PRKCB: variants seen among roughly 807,000 people sequenced by gnomAD.
PRKCB encodes the protein protein kinase C beta type.
Under a neutral mutation model 81.5 loss-of-function variants are expected in PRKCB, and 13 were observed. The ratio of observed to expected loss-of-function variants is 0.16; its 90% CI spans 0.10 to 0.25. The LOEUF is 0.25. PRKCB is among the 10% of genes least tolerant of loss of function. The pLI is 1.00. For missense variants in PRKCB, 509 were observed against 875.7 expected, an observed-to-expected ratio of 0.58 and a Z score of 5.29; for synonymous variants, 335 against 321.4, an observed-to-expected ratio of 1.04 and a Z score of -0.45.
At chr16:23,999,150 G>A (rs1964998794) in intron 3 of PRKCB, among the ~76,000 whole-genome samples, 1 of 152,168 alleles carries the variant, frequency 6.6e-6, no homozygotes. Context: ...TTGCCCACCT[G>A]GCCAGACTCT....
chr16:24,047,436 C>T (rs958692148), intron 5 of PRKCB, among the ~76,000 whole-genome samples: 15 of 151,660 alleles, frequency 9.9e-5, no homozygotes, highest in African/African-American at 3.2e-4. Context: ...GAGGCTGAGG[C>T]GGGAAGATGA....
chr16:23,939,580 A>G (rs1405277118), intron 2 of PRKCB, among the ~76,000 whole-genome samples: 6 of 152,220 alleles, frequency 3.9e-5, no homozygotes, highest in Admixed American at 2.6e-4. Context: ...GATTTTTGAC[A>G]AAGGCACAAA....
chr16:24,154,303 C>A (rs1206639646), intron 9 of PRKCB, among the ~76,000 whole-genome samples: 1 of 152,084 alleles, frequency 6.6e-6, no homozygotes, highest in Non-Finnish European at 1.5e-5. Context: ...ATAGTGAGAC[C>A]TTGTCTCTAC....
intron 2 of PRKCB, among the ~76,000 whole-genome samples, chr16:23,979,224 G>A (rs1450441580): frequency 6.6e-6 from 1 of 152,124 alleles, no homozygotes. Context: ...CATATTCAAG[G>A]TCACACAGCT....
At chr16:23,932,957 C>T (rs1049712714) in intron 2 of PRKCB, among the ~76,000 whole-genome samples, 6 of 152,146 alleles carry the variant, frequency 3.9e-5, no homozygotes, top group Non-Finnish European at 4.4e-5. Flanking sequence ...TTCAGAATTA[C>T]GAGGATGCAG....
At chr16:24,107,404 A>T (rs893613986) in intron 7 of PRKCB, among the ~76,000 whole-genome samples, 5 of 152,308 alleles carry the variant, frequency 3.3e-5, no homozygotes, top group African/African-American at 1.2e-4. Flanking sequence ...TTGTTCTAAC[A>T]TTTCATATCT....
chr16:23,867,646 A>C (rs1040435507), intron 2 of PRKCB, among the ~76,000 whole-genome samples: 2 of 152,216 alleles, frequency 1.3e-5, no homozygotes, highest in Non-Finnish European at 2.9e-5. Flanking sequence ...CCATAAGGGA[A>C]TGACAGACTC....
At chr16:23,942,645 T>G (rs1267588247) in intron 2 of PRKCB, among the ~76,000 whole-genome samples, 4 of 152,226 alleles carry the variant, frequency 2.6e-5, no homozygotes, top group Non-Finnish European at 5.9e-5. Flanking sequence ...AATTAAACCT[T>G]TCTCCTAGGG....
chr16:24,108,607 G>A (rs1966611861), intron 7 of PRKCB, among the ~76,000 whole-genome samples: 1 of 148,962 alleles, frequency 6.7e-6, no homozygotes, highest in Non-Finnish European at 1.5e-5. Flanking sequence ...ATCTTGCACC[G>A]CCCTTAATCC....
At chr16:24,056,085 A>G (rs1965899816) in intron 5 of PRKCB, among the ~76,000 whole-genome samples, 1 of 152,258 alleles carries the variant, frequency 6.6e-6, no homozygotes, top group Non-Finnish European at 1.5e-5. Flanking sequence ...CGAATTGAGA[A>G]TTTGGAAATT....
chr16:24,122,468 T>TTTTTTTTTTTTTTTTTTTC lies in PRKCB; in HGVS notation c.919-1367_919-1366insTTTTTTTTTTTTTTTTTTC. Among the ~76,000 whole-genome samples the TTTTTTTTTTTTTTTTTTTC allele has an allele frequency of 3.8e-4, 53 of 138,984 alleles. 6 individuals are homozygous for TTTTTTTTTTTTTTTTTTTC. Among genetic ancestry groups the TTTTTTTTTTTTTTTTTTTC allele is most frequent in the African/African-American group, 1.7e-3 (51 of 30,340 alleles). The allele number at this position is 138,984 out of a possible 152,430, so 91.2% of individuals were successfully genotyped here. ...ACGAGGCTTTTTTTTTTTTTTTTTT[T>TTTTTTTTTTTTTTTTTTTC]AGTGAGAGAGAGATGGGATCTCACT... On this transcript the variant is annotated intron_variant, in intron 8 of 16. Transcript: ENST00000643927.
At chr16:24,063,131 G>T (rs1391649618) in intron 5 of PRKCB, among the ~76,000 whole-genome samples, 1 of 151,940 alleles carries the variant, frequency 6.6e-6, no homozygotes, top group Non-Finnish European at 1.5e-5. Context: ...GCCTCTTCAG[G>T]CCTAGGGGTA....
At chr16:23,963,610 C>T (rs1005910030) in intron 2 of PRKCB, 1 of 152,186 alleles carries the variant, frequency 6.6e-6, no homozygotes, top group Non-Finnish European at 1.5e-5. Flanking sequence ...AACCAACCCT[C>T]CTGTAGTTGG....
chr16:24,066,616 T>C (rs1966037893), intron 5 of PRKCB, among the ~76,000 whole-genome samples: 1 of 152,148 alleles, frequency 6.6e-6, no homozygotes, highest in Non-Finnish European at 1.5e-5. Context: ...CAAACTTTAT[T>C]TGGATTTTCC....
rs1348895981 is a variant in PRKCB, at chr16:24,217,571, C to A, written c.*2755C>A. 23 of 985,348 alleles carry A rather than the reference C, an allele frequency of 2.3e-5. No individual in the cohort carries two copies. Among genetic ancestry groups the A allele is most frequent in the Non-Finnish European group, 2.8e-5 (23 of 829,966 alleles). 61.0% of individuals were successfully genotyped at this position (985,348 alleles called of 1,614,324 possible). A position where few individuals can be genotyped will look rare whatever the true frequency, so the allele number is the denominator to read the frequency against. ...CTACGGTAAAATCCAGGAGTATTTT[C>A]TCTGGGGATCTGCCCACAGGACAAA... is the stretch of plus-strand genomic sequence containing the variant. On this transcript the variant is annotated 3_prime_UTR_variant, in exon 17 of 17. Transcript: ENST00000643927.
intron 2 of PRKCB, among the ~76,000 whole-genome samples, chr16:23,898,936 A>G (rs765442641): frequency 2.6e-5 from 4 of 152,200 alleles, no homozygotes; most frequent in Non-Finnish European, 5.9e-5. Flanking sequence ...TGAGGCGCCA[A>G]TGAAGTAACG....
At chr16:23,924,328 C>T (rs1277300918) in intron 2 of PRKCB, among the ~76,000 whole-genome samples, 1 of 152,058 alleles carries the variant, frequency 6.6e-6, no homozygotes, top group East Asian at 1.9e-4. Context: ...ATTTAAATCT[C>T]TTTCCTCTAG....
At chr16:24,048,213 C>T (rs1965792040) in intron 5 of PRKCB, among the ~76,000 whole-genome samples, 1 of 152,142 alleles carries the variant, frequency 6.6e-6, no homozygotes, top group South Asian at 2.1e-4. Context: ...TCGTATAATC[C>T]TATCAACAAC....
At chr16:23,928,217 C>T (rs148013521) in intron 2 of PRKCB, among the ~76,000 whole-genome samples, 28 of 151,984 alleles carry the variant, frequency 1.8e-4, no homozygotes, top group African/African-American at 6.8e-4. Context: ...CCTCCACCTC[C>T]CAGGTTCAAG....
Sources: gnomAD v4.1 joint callset for allele counts (sites outside exome capture counted in the v4.1 genomes callset) on GRCh38, gnomAD v4.1.1 for gene constraint, MANE v1.5 for transcripts, NCBI Gene and HGNC (gene_info 2026-07-23, HGNC 2026-07-21) for gene names.